GUCY2D: variants seen among roughly 807,000 people sequenced by gnomAD.
GUCY2D encodes the protein guanylate cyclase 2D, retinal.
In GUCY2D, 70 loss-of-function variants were observed where a neutral mutation model predicts 101.3. The ratio of observed to expected loss-of-function variants is 0.69; its 90% CI spans 0.57 to 0.84. The LOEUF (loss-of-function observed/expected upper bound fraction) is 0.84, where lower values mean the gene tolerates loss of function less well. GUCY2D is among the 40% of genes least tolerant of loss of function. GUCY2D has a pLI of 0.00. For synonymous variants in GUCY2D, 688 were observed against 670.7 expected, an observed-to-expected ratio of 1.03 and a Z score of -0.40; for missense variants, 1,460 against 1,542.5, an observed-to-expected ratio of 0.95 and a Z score of 0.90.
chr17:8,014,460 C>T lies in GUCY2D; in HGVS notation c.2413-141C>T, dbSNP rs1598150392. Reference sequence around the variant, plus strand: ...ACACAGTGCCCAGCACCCCGGGGTGCTTGATGAATAGTAGATGAATGGTGG... The same window carrying T: ...ACACAGTGCCCAGCACCCCGGGGTGTTTGATGAATAGTAGATGAATGGTGG... On this transcript the variant is annotated intron_variant, in intron 12 of 19. Transcript: ENST00000254854. The surrounding 1 kb of genome is among the most constrained non-coding windows in gnomAD (Gnocchi z 4.0). 4 of 810,968 alleles carry T rather than the reference C, an allele frequency of 4.9e-6. No individual in the cohort carries two copies. The East Asian group carries it at 1.0e-4, about 20-fold the overall frequency. 50.2% of individuals were successfully genotyped at this position (810,968 alleles called of 1,614,324 possible). A position where few individuals can be genotyped will look rare whatever the true frequency, so the allele number is the denominator to read the frequency against.
Position 8,013,137 on chromosome 17 carries a change from C to A in GUCY2D, c.2148C>A (p.Asp716Glu). The A allele has an allele frequency of 6.2e-7, 1 of 1,613,658 alleles. No individual in the cohort carries two copies. Among genetic ancestry groups the A allele is most frequent in the Non-Finnish European group, 8.5e-7 (1 of 1,179,956 alleles). The stretch of plus-strand genomic sequence containing the variant: ...GGACAGCCCCGGAGCTGCTTAGGGA[C>A]CCAGCCCTGGAGCGCCGGGGAACGC... Reference protein sequence around the residue: ...QLWTAPELLRDPALERRGTLA... With the variant: ...QLWTAPELLREPALERRGTLA... Residue 716 changes from aspartate (D) to glutamate (E), a missense_variant, in exon 11 of 20, where the codon GAC becomes GAA. Asp to Glu is a conservative substitution (Grantham distance 45). Transcript: ENST00000254854. The surrounding 1 kb of genome is among the most constrained non-coding windows in gnomAD (Gnocchi z 5.0).
At position 8,003,843 on chromosome 17, in the gene GUCY2D, T is replaced by C; in HGVS notation, c.722-9T>C. 2 of 1,611,016 alleles carry C rather than the reference T, an allele frequency of 1.2e-6. No homozygotes were observed. Among genetic ancestry groups the C allele is most frequent in the Non-Finnish European group, 1.7e-6 (2 of 1,179,534 alleles). On this transcript the variant is annotated splice_polypyrimidine_tract_variant and intron_variant, in intron 2 of 19. Transcript: ENST00000254854. ...CGGACGGCGCCGCGAGCCAAGCCTC[T>C]GTCCGCAGCAGTGATCATGGTGATG...
chr17:8,015,103 C>A, intron 14 of GUCY2D, 52 bp downstream of exon 14: 1 of 1,498,792 alleles, frequency 6.7e-7, no homozygotes, highest in Non-Finnish European at 9.2e-7. Context: ...GCTTCACCAG[C>A]CTCCAGCCCA....
chr17:8,016,843 C>T (rs1975988306), intron 19 of GUCY2D: 1 of 406,652 alleles, frequency 2.5e-6, no homozygotes, highest in Non-Finnish European at 4.5e-6. Context: ...CCGCAGAAGC[C>T]TCACAGGCTG....
rs1396438043 is a variant in GUCY2D at position 8,011,151 on chromosome 17, G to A, written c.1750-993G>A. On this transcript the variant is annotated intron_variant, in intron 8 of 19. Transcript: ENST00000254854. The surrounding 1 kb of genome is among the most constrained non-coding windows in gnomAD (Gnocchi z 4.3). Reference sequence around the variant, plus strand: ...CCCAGCACTTTGGGAGGCTGAGGTGGATGGACCACCTGAGGTCAGGAGTTC... The same window carrying A: ...CCCAGCACTTTGGGAGGCTGAGGTGAATGGACCACCTGAGGTCAGGAGTTC... Among the ~76,000 whole-genome samples the A allele has an allele frequency of 4.6e-5, 7 of 152,154 alleles. No individual in the cohort carries two copies. The highest frequency in any genetic ancestry group is 1.7e-4 in the African/African-American group (7 of 41,426).
At chr17:8,005,358 G>T (rs1975717677) in intron 3 of GUCY2D, among the ~76,000 whole-genome samples, 1 of 152,106 alleles carries the variant, frequency 6.6e-6, no homozygotes, top group African/African-American at 2.4e-5. Context: ...ACCCTGTCAT[G>T]CCCCTGTTCA....
In GUCY2D at chr17:8,007,526, A is replaced by G. The variant is rs200189360; in HGVS notation, c.1564A>G (p.Lys522Glu). The G allele has an allele frequency of 4.4e-6, 7 of 1,579,144 alleles. No individual in the cohort carries two copies. In the Admixed American group the frequency reaches 8.3e-5, roughly 19 times the overall value. Residue 522 changes from lysine (K) to glutamate (E), a missense_variant and splice_region_variant, in exon 6 of 20, where the codon AAG becomes GAG. Transcript: ENST00000254854. ...FLHPHGGTSR[K>E]VAQGSRSSLG... ...CCACCCACATGGGGGCACCTCTCGA[A>G]AGGTGGGGGAGGCAGAGAGGCAGGA...
chr17:8,012,363 G>A lies in GUCY2D; in HGVS notation c.1956+13G>A. The A allele has an allele frequency of 1.9e-6, 3 of 1,612,146 alleles. No homozygotes were observed. Among genetic ancestry groups the A allele is most frequent in the Non-Finnish European group, 1.7e-6 (2 of 1,178,866 alleles). On this transcript the variant is annotated intron_variant, in intron 9 of 19. Coordinates refer to ENST00000254854, the MANE Select transcript of GUCY2D (RefSeq NM_000180.4). ...GGACCTTATCAAGGTGTGTGTCTGG[G>A]GGTGGTGGGGTGACGTCCTGGGGGC... is the stretch of plus-strand genomic sequence containing the variant.
rs1975761109 is a variant in GUCY2D at position 8,007,154 on chromosome 17, G to A, written c.1463+10G>A. On this transcript the variant is annotated intron_variant, in intron 5 of 19. Transcript: ENST00000254854. ...TGGCCCATTATGTGAGGTGAGTAGT[G>A]GAATGAGGTAAGTAGGAAGTGAGCT... The A allele has an allele frequency of 6.3e-7, 1 of 1,586,660 alleles. No homozygotes were observed. The highest frequency in any genetic ancestry group is 2.2e-5 in the East Asian group (1 of 44,764).
rs573270795 is a variant in GUCY2D, at chr17:8,014,942, T to G, written c.2660T>G (p.Val887Gly). 6.2e-7 allele frequency: 1 copy of G among 1,614,062 alleles called. No individual in the cohort carries two copies. The highest frequency in any genetic ancestry group is 1.7e-4 in the Middle Eastern group (1 of 6,060). Residue 887 changes from valine to glycine, a missense_variant, in exon 14 of 20, where the codon GTG becomes GGG. Coordinates refer to ENST00000254854, the MANE Select transcript of GUCY2D (RefSeq NM_000180.4). The surrounding 1 kb of genome is among the most constrained non-coding windows in gnomAD (Gnocchi z 4.0). ...EQVTLYFSDI[V>G]GFTTISAMSE... is the part of the protein sequence containing the mutation. ...GTGACACTGTACTTTAGTGACATTG[T>G]GGGCTTCACCACCATCTCTGCCATG...
intron 17 of GUCY2D, 29 bp downstream of exon 17, chr17:8,016,050 G>A: frequency 6.4e-7 from 1 of 1,563,200 alleles, no homozygotes; most frequent in Non-Finnish European, 8.7e-7. Context: ...CCCTCCCGGA[G>A]GCCCCGCCCT....
rs1180778956 is a variant in GUCY2D at position 8,003,652 on chromosome 17, C to T, written c.605C>T (p.Ser202Phe). 10 of 1,595,254 alleles carry T rather than the reference C, an allele frequency of 6.3e-6. No individual in the cohort carries two copies. The highest frequency in any genetic ancestry group is 8.5e-6 in the Non-Finnish European group (10 of 1,178,226). ...TGGGTGGAGGCGGGACGCTCACTGT[C>T]CACGGCACTCAGGGCCCGGGGCCTG... ...DLWVEAGRSL[S>F]TALRARGLPV... The change falls in exon 2 of 20, where the codon TCC (serine) becomes TTC (phenylalanine). Residue 202 changes from serine (S) to phenylalanine (F), a missense_variant. Physicochemically the swap from Ser to Phe is radical, Grantham distance 155. Around this residue, in one of 3 missense-constraint regions of GUCY2D, gnomAD observed 1,196 missense variants for 1,229.6 expected, o/e 0.97. Transcript: ENST00000254854.
rs752946790 is a variant in GUCY2D at position 8,014,738 on chromosome 17, C to T, written c.2550C>T (p.Asp850=). ...TGGAGCTGGAAAAGCAGAAGACAGA[C>T]CGGCTGCTTACACAGATGCTGCCTC... The part of the protein sequence containing the change: ...EELELEKQKT[D]RLLTQMLPPS... The change falls in exon 13 of 20, where the codon GAC becomes GAT. Residue 850 remains aspartate, a synonymous_variant. Transcript: ENST00000254854. This position sits in a 1 kb window ranked among gnomAD's most constrained non-coding sequence, Gnocchi z 4.0. The T allele has an allele frequency of 8.7e-6, 14 of 1,605,616 alleles. No homozygotes were observed. In the South Asian group the frequency reaches 1.4e-4, roughly 16 times the overall value.
At chr17:8,007,601 G>T (rs116236245) in intron 6 of GUCY2D, 73 bp downstream of exon 6, 5 of 911,234 alleles carry the variant, frequency 5.5e-6, no homozygotes, top group Admixed American at 3.5e-5. Context: ...GGCCAGTCCC[G>T]ACCCCAGCTC....
Position 8,013,542 on chromosome 17 carries a change from G to A in GUCY2D, c.2263+290G>A, listed in dbSNP as rs1418287527. ...TCCTCTCTGTTCTCAGGGGTCCCTG[G>A]GAGGAGCAGGGGAGGGGGAGTGGGT... On this transcript the variant is annotated intron_variant, in intron 11 of 19. Coordinates refer to ENST00000254854, the MANE Select transcript of GUCY2D (RefSeq NM_000180.4). The surrounding 1 kb of genome is among the most constrained non-coding windows in gnomAD (Gnocchi z 5.0). The A allele has an allele frequency of 5.2e-6, 3 of 575,488 alleles. No homozygotes were observed. The highest frequency in any genetic ancestry group is 9.3e-6 in the Non-Finnish European group (3 of 321,534). 35.6% of individuals were successfully genotyped at this position (575,488 alleles called of 1,614,324 possible).
chr17:8,007,074 C>G lies in GUCY2D; in HGVS notation c.1393C>G (p.Leu465Val). The change falls in exon 5 of 20, where the codon CTC (leucine) becomes GTC (valine). Residue 465 changes from leucine to valine, a missense_variant. Transcript: ENST00000254854. ...NICGGGLEPG[L>V]VFLGFLLVVG... is the part of the protein sequence containing the mutation. ...TGTCCCTTCAGGACTGGAGCCGGGC[C>G]TCGTCTTTCTTGGCTTCCTCCTGGT... is the stretch of plus-strand genomic sequence containing the variant. 6.2e-7 allele frequency: 1 copy of G among 1,614,032 alleles called. No homozygotes were observed.
chr17:8,004,717 T>C (rs1975706781), intron 3 of GUCY2D, among the ~76,000 whole-genome samples: 1 of 152,104 alleles, frequency 6.6e-6, no homozygotes, highest in Admixed American at 6.5e-5. Flanking sequence ...CCAGTTCAGA[T>C]CATCTAACTT....
chr17:8,015,957 T>A lies in GUCY2D; in HGVS notation c.3074T>A (p.Val1025Glu), dbSNP rs1405830184. 6.2e-7 allele frequency: 1 copy of A among 1,612,240 alleles called. No individual in the cohort carries two copies. ...CGCATCCACGTGAACTTGAGCACTGTGGGGATTCTCCGTGCTCTGGACTCG... is the reference window on the plus strand; with the variant it reads ...CGCATCCACGTGAACTTGAGCACTGAGGGGATTCTCCGTGCTCTGGACTCG... ...PYRIHVNLST[V>E]GILRALDSGY... Residue 1025 changes from valine (V) to glutamate (E), a missense_variant, in exon 17 of 20, where the codon GTG (valine) becomes GAG (glutamate). Val to Glu is a moderately radical substitution (Grantham distance 121). Around this residue, in one of 3 missense-constraint regions of GUCY2D, gnomAD observed 215 missense variants for 227.9 expected, o/e 0.94. Transcript: ENST00000254854.
rs748156659 is a variant in GUCY2D at position 8,003,151 on chromosome 17, G to A, written c.104G>A (p.Arg35Gln). Reference protein sequence around the residue: ...SLPRLPRALPRLPLLLLLLLL... With the variant: ...SLPRLPRALPQLPLLLLLLLL... Reference sequence around the variant, plus strand: ...CCCCGCCTCCCCCGGGCCCTGCCCCGGCTCCCGCTCCTGCTGCTCCTGCTT... The same window carrying A: ...CCCCGCCTCCCCCGGGCCCTGCCCCAGCTCCCGCTCCTGCTGCTCCTGCTT... The change falls in exon 2 of 20, where the codon CGG becomes CAG. Residue 35 changes from arginine (R) to glutamine (Q), a missense_variant. By Grantham distance (43) the Arg-to-Gln change is conservative (BLOSUM62 1). This residue lies in a region of GUCY2D where 1,196 missense variants were observed against 1,229.6 expected (regional missense o/e 0.97). Coordinates refer to ENST00000254854, the MANE Select transcript of GUCY2D (RefSeq NM_000180.4). 8.6e-6 allele frequency: 13 copies of A among 1,508,094 alleles called. No individual in the cohort carries two copies. Among genetic ancestry groups the A allele is most frequent in the South Asian group, 2.5e-5 (2 of 80,560 alleles). 93.4% of individuals were successfully genotyped at this position (1,508,094 alleles called of 1,614,324 possible).
Sources: allele counts gnomAD v4.1 joint callset (sites outside exome capture counted in the v4.1 genomes callset), GRCh38; gene constraint gnomAD v4.1.1; regional missense constraint gnomAD v4.1.1; non-coding constraint Gnocchi (gnomAD v3.1); transcripts MANE v1.5; gene names NCBI Gene and HGNC (gene_info 2026-07-23, HGNC 2026-07-21).